EYS: variants seen among roughly 807,000 people sequenced by gnomAD.
The protein encoded by EYS is EGF-like photoreceptor maintenance factor.
Under a neutral mutation model 282.1 loss-of-function variants are expected in EYS, and 250 were observed. The observed-to-expected ratio is 0.89, with a 90% CI of 0.80 to 0.98. EYS has a LOEUF of 0.98. Ranked by LOEUF, EYS falls within the 50% of genes least tolerant of loss-of-function variation. The pLI is 0.00. For synonymous variants in EYS, 1,355 were observed against 1,282.9 expected (o/e 1.06, Z -1.20); for missense variants, 4,016 against 3,709.0 (o/e 1.08, Z -2.15).
At chr6:65,337,428 C>T (rs1354788838) in intron 10 of EYS, among the ~76,000 whole-genome samples, 1 of 151,130 alleles carries the variant, frequency 6.6e-6, no homozygotes, top group Non-Finnish European at 1.5e-5. Flanking sequence ...ATTAAAGGAG[C>T]ACTTTTATAA....
intron 29 of EYS, among the ~76,000 whole-genome samples, chr6:64,364,216 A>C (rs1049757524): frequency 6.6e-6 from 1 of 151,920 alleles, no homozygotes; most frequent in African/African-American, 2.4e-5. Flanking sequence ...AAACAGACTT[A>C]TTAGTATCTT....
chr6:64,396,216 T>A (rs1478085240), intron 28 of EYS, among the ~76,000 whole-genome samples: 1 of 152,188 alleles, frequency 6.6e-6, no homozygotes, highest in South Asian at 2.1e-4. Context: ...TATTCTAATG[T>A]TGGTATACTG....
chr6:64,837,545 A>G (rs1190521760), intron 19 of EYS, among the ~76,000 whole-genome samples: 1 of 149,848 alleles, frequency 6.7e-6, no homozygotes, highest in African/African-American at 2.4e-5. Flanking sequence ...AAATTGTCCC[A>G]TTGTCCCTGT....
chr6:65,028,183 G>T (rs931738060), intron 13 of EYS, among the ~76,000 whole-genome samples: 19 of 151,892 alleles, frequency 1.3e-4, no homozygotes, highest in Non-Finnish European at 1.5e-5. Context: ...ATAGCTTAAA[G>T]CTTACAAACA....
intron 2 of EYS, among the ~76,000 whole-genome samples, chr6:65,501,833 C>T (rs1582385005): frequency 1.3e-5 from 2 of 151,196 alleles, no homozygotes; most frequent in South Asian, 2.1e-4. Flanking sequence ...ACAACTTTGC[C>T]GTTATCTAGA....
chr6:65,132,096 A>C (rs576482804), intron 12 of EYS, among the ~76,000 whole-genome samples: 106 of 152,140 alleles, frequency 7.0e-4, no homozygotes, highest in Non-Finnish European at 1.3e-3. Context: ...AACCAAAAAA[A>C]TTCCAGTGCC....
At chr6:65,020,375 G>T (rs1178438478) in intron 13 of EYS, among the ~76,000 whole-genome samples, 1 of 152,094 alleles carries the variant, frequency 6.6e-6, no homozygotes, top group African/African-American at 2.4e-5. Flanking sequence ...AAACATAGAG[G>T]CCACAGGCCC....
intron 24 of EYS, among the ~76,000 whole-genome samples, chr6:64,609,882 G>A (rs993472768): frequency 1.3e-5 from 2 of 151,076 alleles, no homozygotes; most frequent in Non-Finnish European, 2.9e-5. Context: ...GAAAGAGCTT[G>A]TCTAAATATA....
intron 35 of EYS, among the ~76,000 whole-genome samples, chr6:63,882,437 A>G (rs960679934): frequency 6.6e-6 from 1 of 152,168 alleles, no homozygotes. Context: ...CAGGCCTTCC[A>G]TCCACTCTGC....
chr6:64,695,877 G>T (rs1170528532), intron 22 of EYS, among the ~76,000 whole-genome samples: 1 of 151,974 alleles, frequency 6.6e-6, no homozygotes, highest in African/African-American at 2.4e-5. Flanking sequence ...CCAATGAAAA[G>T]TAAATACAAA....
intron 33 of EYS, among the ~76,000 whole-genome samples, chr6:64,006,689 AG>A (rs1300347025): frequency 4.6e-5 from 7 of 152,002 alleles, no homozygotes; most frequent in Non-Finnish European, 1.0e-4. Context: ...TAGTTTATTG[AG>A]GGTTTTTGAC....
intron 24 of EYS, among the ~76,000 whole-genome samples, chr6:64,612,065 TTGTC>T (rs1714732362): frequency 6.6e-6 from 1 of 152,134 alleles, no homozygotes; most frequent in African/African-American, 2.4e-5. Context: ...ATCAAAATGT[TTGTC>T]TGTCTTGCTA....
intron 35 of EYS, among the ~76,000 whole-genome samples, chr6:63,894,655 C>T (rs1379902188): frequency 6.6e-6 from 1 of 151,754 alleles, no homozygotes; most frequent in Admixed American, 6.6e-5. Flanking sequence ...AATCTCTGCT[C>T]ACTGCAACCT....
intron 31 of EYS, among the ~76,000 whole-genome samples, chr6:64,205,961 A>G (rs1765599185): frequency 6.6e-6 from 1 of 152,064 alleles, no homozygotes; most frequent in Admixed American, 6.6e-5. Flanking sequence ...TAGAGAAAGT[A>G]TCTCATTAGT....
intron 1 of EYS, among the ~76,000 whole-genome samples, chr6:65,673,403 G>A (rs937868674): frequency 1.3e-5 from 2 of 152,048 alleles, no homozygotes; most frequent in Non-Finnish European, 2.9e-5. Context: ...TGGCCTAGAT[G>A]TGGTTTTGTA....
At chr6:63,793,628 CT>C (rs569202808) in intron 37 of EYS, among the ~76,000 whole-genome samples, 3 of 152,282 alleles carry the variant, frequency 2.0e-5, no homozygotes, top group Non-Finnish European at 4.4e-5. Context: ...TCATTCTAAG[CT>C]TATTCTTACT....
intron 30 of EYS, among the ~76,000 whole-genome samples, chr6:64,249,063 C>CAA (rs34663169): frequency 0.025 from 1,735 of 69,514 alleles, 114 homozygotes; most frequent in African/African-American, 0.08. Flanking sequence ...CACCCTGTCT[C>CAA]AAAAAAAAAA....
At chr6:64,365,760 A>G (rs1772161817) in intron 29 of EYS, among the ~76,000 whole-genome samples, 1 of 152,064 alleles carries the variant, frequency 6.6e-6, no homozygotes, top group African/African-American at 2.4e-5. Context: ...AGTATAAACT[A>G]GAACAATTAT....
chr6:65,392,627 A>G (rs1346436140), intron 7 of EYS, among the ~76,000 whole-genome samples: 3 of 152,200 alleles, frequency 2.0e-5, no homozygotes, highest in African/African-American at 7.2e-5. Flanking sequence ...ATGAGATACC[A>G]TCTCACACCA....
Sources: gnomAD v4.1 joint callset for allele counts (sites outside exome capture counted in the v4.1 genomes callset) on GRCh38, gnomAD v4.1.1 for gene constraint, MANE v1.5 for transcripts, NCBI Gene and HGNC (gene_info 2026-07-23, HGNC 2026-07-21) for gene names.